Variants in SCD5 observed in about 807,000 individuals in gnomAD.
SCD5 encodes acyl-CoA-desaturase 4.
SCD5 carries 20 observed loss-of-function variants against 30.4 expected under a neutral mutation model. That is an observed-to-expected ratio of 0.66 (90% CI 0.46 to 0.96). SCD5 has a LOEUF of 0.96. Among genes scored for constraint, SCD5 ranks in the 40% least tolerant of loss-of-function variants. The probability of loss-of-function intolerance (pLI) is 0.00; values close to 1 mark genes in which losing one functional copy is unlikely to be tolerated. For synonymous variants in SCD5, 173 were observed against 176.4 expected (o/e 0.98, Z 0.16); for missense variants, 381 against 443.3 (o/e 0.86, Z 1.26).
chr4:82,654,064 T>G (rs111805711), intron 3 of SCD5, among the ~76,000 whole-genome samples: 2 of 151,794 alleles, frequency 1.3e-5, no homozygotes, highest in Non-Finnish European at 1.5e-5. Flanking sequence ...ATTACAGGTG[T>G]CTGCCACCAC....
chr4:82,712,199 C>A (rs1431559848), intron 1 of SCD5, among the ~76,000 whole-genome samples: 8 of 123,298 alleles, frequency 6.5e-5, no homozygotes, highest in Non-Finnish European at 1.3e-4. Context: ...AGGACCCCAG[C>A]CCAAGAGATT....
intron 1 of SCD5, chr4:82,753,244 C>T (rs1721145354): frequency 8.8e-6 from 4 of 452,396 alleles, no homozygotes; most frequent in South Asian, 1.6e-5. Context: ...GCCACCCAAG[C>T]CTCACCTGAG....
At position 82,636,646 on chromosome 4, in the gene SCD5, G is replaced by A. The variant is rs746063823; in HGVS notation, c.747C>T (p.Pro249=). ...GCCGAGGGCTGATGTGCTTGTCATA[G>A]GGCCGGTTTCCATACATGTGGGCGG... The part of the protein sequence containing the change: ...NSAAHMYGNR[P]YDKHISPRQN... Residue 249 remains proline, a synonymous_variant, in exon 4 of 5, where the codon CCC becomes CCT. Coordinates refer to ENST00000319540, the MANE Select transcript of SCD5 (RefSeq NM_001037582.3). 17 of 1,614,100 alleles carry A rather than the reference G, an allele frequency of 1.1e-5. No homozygotes were observed. The highest frequency in any genetic ancestry group is 1.4e-5 in the Non-Finnish European group (17 of 1,180,060).
chr4:82,645,314 G>GA (rs34850249), intron 3 of SCD5, among the ~76,000 whole-genome samples: 104,139 of 144,616 alleles, frequency 0.72, 37,252 homozygotes, highest in Admixed American at 0.79. Context: ...ACCGTCTCAA[G>GA]AAAAAAAAAA....
chr4:82,692,865 G>T (rs75755814), intron 2 of SCD5, among the ~76,000 whole-genome samples: 3,425 of 152,268 alleles, frequency 0.022, 46 homozygotes, highest in Non-Finnish European at 0.033. Flanking sequence ...AACCTCTCAG[G>T]TCTGCCTTGG....
At chr4:82,765,752 G>A (rs1449252327) in intron 1 of SCD5, among the ~76,000 whole-genome samples, 1 of 152,022 alleles carries the variant, frequency 6.6e-6, no homozygotes, top group Non-Finnish European at 1.5e-5. Flanking sequence ...GAGTAGCTGG[G>A]ACTACAGGTG....
At chr4:82,675,430 C>A (rs780807797) in intron 3 of SCD5, among the ~76,000 whole-genome samples, 2 of 152,114 alleles carry the variant, frequency 1.3e-5, no homozygotes, top group Non-Finnish European at 2.9e-5. Flanking sequence ...CAAAAATATT[C>A]TAGATGTTTG....
intron 3 of SCD5, among the ~76,000 whole-genome samples, chr4:82,669,963 G>A (rs184379862): frequency 3.3e-5 from 5 of 152,164 alleles, no homozygotes; most frequent in Admixed American, 3.3e-4. Flanking sequence ...ACAGTCCAGA[G>A]GCATAAGTTC....
intron 2 of SCD5, among the ~76,000 whole-genome samples, chr4:82,703,450 T>C (rs1719901113): frequency 6.6e-6 from 1 of 152,226 alleles, no homozygotes; most frequent in Admixed American, 6.5e-5. Flanking sequence ...CTAGCAACTC[T>C]GTGAGGCAAA....
rs1043760386 is a variant in SCD5 at position 82,798,637 on chromosome 4, G to A, written c.-100C>T. ...GCGGGGGCTTCTGCCTTTTAGGGGG[G>A]AATTCTCCGCACGTCCAGTCCCCTC... On this transcript the variant is annotated 5_prime_UTR_variant, in exon 1 of 5. Coordinates refer to ENST00000319540, the MANE Select transcript of SCD5 (RefSeq NM_001037582.3). The A allele has an allele frequency of 2.9e-6, 3 of 1,026,244 alleles. No individual in the cohort carries two copies. Among genetic ancestry groups the A allele is most frequent in the East Asian group, 5.3e-5 (2 of 38,030 alleles). The allele number at this position is 1,026,244 out of a possible 1,614,324, so 63.6% of individuals were successfully genotyped here.
intron 2 of SCD5, among the ~76,000 whole-genome samples, chr4:82,699,475 C>G (rs577691110): frequency 1.3e-5 from 2 of 151,990 alleles, no homozygotes; most frequent in South Asian, 4.2e-4. Flanking sequence ...ACCTCCACCT[C>G]CCAGGTTCAA....
intron 3 of SCD5, among the ~76,000 whole-genome samples, chr4:82,641,784 G>A (rs888498558): frequency 1.3e-5 from 2 of 152,210 alleles, no homozygotes; most frequent in Admixed American, 6.5e-5. Flanking sequence ...GAGGTGGTGA[G>A]AAATGGTCAG....
chr4:82,635,288 A>T (rs1480773311), intron 4 of SCD5, among the ~76,000 whole-genome samples: 1 of 152,242 alleles, frequency 6.6e-6, no homozygotes, highest in African/African-American at 2.4e-5. Context: ...CAAAGAAGGG[A>T]CAAGTAAGTT....
chr4:82,683,302 GTCAA>G (rs1728620082), intron 2 of SCD5, among the ~76,000 whole-genome samples: 3 of 152,204 alleles, frequency 2.0e-5, no homozygotes, highest in Admixed American at 6.5e-5. Flanking sequence ...AATTTCAAAT[GTCAA>G]TCAAGACTGC....
In SCD5 at chr4:82,661,022, T is replaced by C. The variant is rs768244624; in HGVS notation, c.569+19685A>G. 2.5e-6 allele frequency: 4 copies of C among 1,613,958 alleles called. No individual in the cohort carries two copies. The South Asian group carries it at 3.3e-5, about 13-fold the overall frequency. ...TGCCCTTGATGCCATTCACGAAGCATCTCACACGCTGCCTCTTGATTGAGA... is the reference window on the plus strand; with the variant it reads ...TGCCCTTGATGCCATTCACGAAGCACCTCACACGCTGCCTCTTGATTGAGA... On this transcript the variant is annotated intron_variant, in intron 3 of 4. Transcript: ENST00000319540.
intron 2 of SCD5, among the ~76,000 whole-genome samples, chr4:82,699,567 TTTG>T (rs1179544406): frequency 8.0e-4 from 18 of 22,390 alleles, no homozygotes; most frequent in African/African-American, 4.0e-3. Flanking sequence ...TTTTTTGTTT[TTTG>T]TTTTTTTTTT....
chr4:82,708,981 T>G (rs1020106928), intron 1 of SCD5, among the ~76,000 whole-genome samples: 3 of 152,144 alleles, frequency 2.0e-5, no homozygotes, highest in African/African-American at 7.2e-5. Context: ...AGTAACTCAT[T>G]TAATACTCAC....
At chr4:82,662,874 A>C (rs973890084) in intron 3 of SCD5, among the ~76,000 whole-genome samples, 2 of 151,938 alleles carry the variant, frequency 1.3e-5, no homozygotes, top group African/African-American at 4.8e-5. Flanking sequence ...AAAAAAAAAA[A>C]AACACACATG....
chr4:82,639,702 G>A (rs1215324717), intron 3 of SCD5, among the ~76,000 whole-genome samples: 1 of 152,214 alleles, frequency 6.6e-6, no homozygotes, highest in Non-Finnish European at 1.5e-5. Flanking sequence ...GAGGGAACAT[G>A]GAAGAGGCAC....
Sources: gnomAD v4.1 joint callset for allele counts (sites outside exome capture counted in the v4.1 genomes callset) on GRCh38, gnomAD v4.1.1 for gene constraint, MANE v1.5 for transcripts, NCBI Gene and HGNC (gene_info 2026-07-23, HGNC 2026-07-21) for gene names.